TSPAN17: variants seen among roughly 807,000 people sequenced by gnomAD.
TSPAN17 encodes the protein tetraspanin-17.
TSPAN17 carries 33 observed loss-of-function variants against 40.5 expected under a neutral mutation model. That is an observed-to-expected ratio of 0.81 (90% CI 0.62 to 1.09). TSPAN17 has a LOEUF of 1.09. Ranked by LOEUF, TSPAN17 falls within the 50% of genes least tolerant of loss-of-function variation. The pLI is 0.00. For missense variants in TSPAN17, 365 were observed against 416.8 expected (o/e 0.88, Z 1.08); for synonymous variants, 166 against 169.4 (o/e 0.98, Z 0.15).
intron 5 of TSPAN17, 144 bp from the exon 6 acceptor site, chr5:176,655,934 G>A: frequency 2.7e-6 from 2 of 741,176 alleles, no homozygotes; most frequent in Non-Finnish European, 2.4e-6. Context: ...GCCTCAGAGA[G>A]GCTCACTTAA....
rs1356360437 is a variant in TSPAN17 at position 176,651,561 on chromosome 5, G to A, written c.88-55G>A. The A allele has an allele frequency of 1.3e-6, 2 of 1,558,254 alleles. No homozygotes were observed. The highest frequency in any genetic ancestry group is 2.4e-5 in the South Asian group (2 of 84,612). On this transcript the variant is annotated intron_variant, in intron 1 of 8. Transcript: ENST00000508164. The surrounding 1 kb of genome is among the most constrained non-coding windows in gnomAD (Gnocchi z 4.5). ...CCCTGGCTACCGGGGAAGGATGAGG[G>A]GGGAGGGTCCTGGGGCTGCTCCCAG...
Position 176,651,875 on chromosome 5 carries a change from G to A in TSPAN17, c.260G>A (p.Arg87Gln), listed in dbSNP as rs374273809. The change falls in exon 3 of 9, where the codon CGG (arginine) becomes CAG (glutamine). Residue 87 changes from arginine to glutamine, a missense_variant. Physicochemically the swap from Arg to Gln is conservative, Grantham distance 43 (BLOSUM62 1). Coordinates refer to ENST00000508164, the MANE Select transcript of TSPAN17 (RefSeq NM_130465.5). This position sits in a 1 kb window ranked among gnomAD's most constrained non-coding sequence, Gnocchi z 4.5. ...LGFAGCIGAL[R>Q]ENTFLLKFFS... ...TTTGCTGGCTGCATTGGGGCCCTCCGGGAGAACACCTTCCTGCTCAAGTTT... is the reference window on the plus strand; with the variant it reads ...TTTGCTGGCTGCATTGGGGCCCTCCAGGAGAACACCTTCCTGCTCAAGTTT... 3.1e-6 allele frequency: 5 copies of A among 1,613,902 alleles called. No homozygotes were observed. Among genetic ancestry groups the A allele is most frequent in the African/African-American group, 2.7e-5 (2 of 74,882 alleles).
At position 176,647,489 on chromosome 5, in the gene TSPAN17, G is replaced by T. The variant is rs1760777234; in HGVS notation, c.-127G>T. On this transcript the variant is annotated 5_prime_UTR_variant, in exon 1 of 9. Coordinates refer to ENST00000508164, the MANE Select transcript of TSPAN17 (RefSeq NM_130465.5). ...GCGGGCGGGGCCCGACCGGCGCTCT[G>T]TGTGGCCGAGGCCATGAAGCCGCAG... 1 of 574,708 alleles carries T rather than the reference G, an allele frequency of 1.7e-6. No individual in the cohort carries two copies. Among genetic ancestry groups the T allele is most frequent in the African/African-American group, 2.0e-5 (1 of 49,902 alleles). 35.6% of individuals were successfully genotyped at this position (574,708 alleles called of 1,614,324 possible).
chr5:176,657,131 C>T, intron 8 of TSPAN17, 175 bp downstream of exon 8: 1 of 699,586 alleles, frequency 1.4e-6, no homozygotes, highest in Non-Finnish European at 2.3e-6. Flanking sequence ...GAGGAAGTTG[C>T]TGTGCCTCCG....
intron 6 of TSPAN17, 67 bp downstream of exon 6, chr5:176,656,192 A>T: frequency 6.5e-7 from 1 of 1,534,702 alleles, no homozygotes; most frequent in Admixed American, 1.7e-5. Flanking sequence ...GAGAGTGTCT[A>T]TAACCTCCTC....
intron 1 of TSPAN17, among the ~76,000 whole-genome samples, chr5:176,649,332 C>G (rs907704819): frequency 1.3e-5 from 2 of 151,974 alleles, no homozygotes; most frequent in African/African-American, 4.8e-5. Context: ...CTAAGGGAGG[C>G]TGCTTGTGGA....
intron 1 of TSPAN17, among the ~76,000 whole-genome samples, chr5:176,649,529 G>A (rs1760882689): frequency 6.6e-6 from 1 of 151,942 alleles, no homozygotes; most frequent in Non-Finnish European, 1.5e-5. Flanking sequence ...CCAGGTTCAA[G>A]CGATTCTCCT....
rs1199597774 is a variant in TSPAN17, at chr5:176,652,901, T to G, written c.444T>G (p.Phe148Leu). 6.2e-7 allele frequency: 1 copy of G among 1,614,146 alleles called. No individual in the cohort carries two copies. Among genetic ancestry groups the G allele is most frequent in the South Asian group, 1.1e-5 (1 of 91,076 alleles). The change falls in exon 4 of 9, where the codon TTT becomes TTG. Residue 148 changes from phenylalanine to leucine, a missense_variant. By Grantham distance (22) the Phe-to-Leu change is conservative. Transcript: ENST00000508164. ...DDIDLQNLIDFAQEYWSCCGA... is the reference protein window; with the variant it reads ...DDIDLQNLIDLAQEYWSCCGA... ...TTGACCTCCAGAACCTCATTGACTT[T>G]GCTCAGGAATACGTGAGTCCAGTGT...
chr5:176,657,316 C>G (rs1292408684), intron 8 of TSPAN17: 38 of 932,372 alleles, frequency 4.1e-5, no homozygotes, highest in Admixed American at 2.8e-5. Flanking sequence ...GGGTCCCCCC[C>G]GTTCCCTGCC....
In TSPAN17 at chr5:176,654,646, C is replaced by T; in HGVS notation, c.457-249C>T. On this transcript the variant is annotated intron_variant, in intron 4 of 8. Transcript: ENST00000508164. The surrounding 1 kb of genome is among the most constrained non-coding windows in gnomAD (Gnocchi z 4.3). Reference sequence around the variant, plus strand: ...ATTGAACCAGTATCCTTGTCCCACTCCCTCCCTTTTTCTAGCCTCTCTTGG... The same window carrying T: ...ATTGAACCAGTATCCTTGTCCCACTTCCTCCCTTTTTCTAGCCTCTCTTGG... 3.9e-6 allele frequency: 2 copies of T among 507,082 alleles called. No individual in the cohort carries two copies. Among genetic ancestry groups the T allele is most frequent in the Non-Finnish European group, 7.1e-6 (2 of 281,668 alleles). 31.4% of individuals were successfully genotyped at this position (507,082 alleles called of 1,614,324 possible).
rs1465150779 is a variant in TSPAN17 at position 176,652,822 on chromosome 5, G to A, written c.365G>A (p.Arg122Gln). ...ILAFVFKDWI[R>Q]DQLNLFINNN... ...GCCTTTGTCTTCAAGGACTGGATTC[G>A]AGACCAGCTCAACCTCTTCATCAAC... is the stretch of plus-strand genomic sequence containing the variant. The change falls in exon 4 of 9, where the codon CGA becomes CAA. Residue 122 changes from arginine to glutamine, a missense_variant. Coordinates refer to ENST00000508164, the MANE Select transcript of TSPAN17 (RefSeq NM_130465.5). 4.3e-6 allele frequency: 7 copies of A among 1,614,056 alleles called. No homozygotes were observed. Among genetic ancestry groups the A allele is most frequent in the African/African-American group, 1.3e-5 (1 of 74,918 alleles).
Position 176,651,578 on chromosome 5 carries a change from T to G in TSPAN17, c.88-38T>G, listed in dbSNP as rs773193689. ...GGATGAGGGGGGAGGGTCCTGGGGCTGCTCCCAGCCCTGAGCTCTTTGTTG... is the reference window on the plus strand; with the variant it reads ...GGATGAGGGGGGAGGGTCCTGGGGCGGCTCCCAGCCCTGAGCTCTTTGTTG... On this transcript the variant is annotated intron_variant, in intron 1 of 8. Coordinates refer to ENST00000508164, the MANE Select transcript of TSPAN17 (RefSeq NM_130465.5). The surrounding 1 kb of genome is among the most constrained non-coding windows in gnomAD (Gnocchi z 4.5). 54 of 1,593,034 alleles carry G rather than the reference T, an allele frequency of 3.4e-5. No homozygotes were observed. Among genetic ancestry groups the G allele is most frequent in the Non-Finnish European group, 4.5e-5 (53 of 1,168,578 alleles).
rs780828214 is a variant in TSPAN17, at chr5:176,656,128, G to C, written c.630+3G>C. The C allele has an allele frequency of 1.2e-6, 2 of 1,614,198 alleles. No homozygotes were observed. The highest frequency in any genetic ancestry group is 3.3e-5 in the Admixed American group (2 of 60,024). Reference sequence around the variant, plus strand: ...GCTACGACGTCCGGCTCAAACTGGTGAGAGGGGTAGGAACCGGGCTGGGGC... The same window carrying C: ...GCTACGACGTCCGGCTCAAACTGGTCAGAGGGGTAGGAACCGGGCTGGGGC... On this transcript the variant is annotated splice_donor_region_variant and intron_variant, in intron 6 of 8. Transcript: ENST00000508164.
intron 4 of TSPAN17, 30 bp downstream of exon 4, chr5:176,652,943 G>A: frequency 6.2e-7 from 1 of 1,609,612 alleles, no homozygotes; most frequent in East Asian, 2.2e-5. Flanking sequence ...TGGGACACCT[G>A]TAGGAGGCGC....
chr5:176,653,503 C>G (rs567026213), intron 4 of TSPAN17: 1 of 153,586 alleles, frequency 6.5e-6, no homozygotes, highest in East Asian at 1.9e-4. Flanking sequence ...TGCACCATCT[C>G]GCCCACTCAC....
rs746408231 is a variant in TSPAN17 at position 176,656,802 on chromosome 5, A to G, written c.733A>G (p.Ile245Val). 8 of 1,614,160 alleles carry G rather than the reference A, an allele frequency of 5.0e-6. No homozygotes were observed. The highest frequency in any genetic ancestry group is 2.2e-5 in the East Asian group (1 of 44,878). Reference sequence around the variant, plus strand: ...TGTGGTGGCGGGAGTCTTCATGGGCATCGCCCTCCTCCAGGTACCCTTGTG... The same window carrying G: ...TGTGGTGGCGGGAGTCTTCATGGGCGTCGCCCTCCTCCAGGTACCCTTGTG... Reference protein sequence around the residue: ...LIVVAGVFMGIALLQIFGICL... With the variant: ...LIVVAGVFMGVALLQIFGICL... Residue 245 changes from isoleucine to valine, a missense_variant, in exon 7 of 9, where the codon ATC (isoleucine) becomes GTC (valine). Transcript: ENST00000508164.
Position 176,657,782 on chromosome 5 carries a change from G to T in TSPAN17, c.*84G>T. 6.6e-7 allele frequency: 1 copy of T among 1,515,434 alleles called. No individual in the cohort carries two copies. The highest frequency in any genetic ancestry group is 8.8e-7 in the Non-Finnish European group (1 of 1,136,146). The allele number at this position is 1,515,434 out of a possible 1,614,324, so 93.9% of individuals were successfully genotyped here. A position where few individuals can be genotyped will look rare whatever the true frequency, so the allele number is the denominator to read the frequency against. ...CGGCTCTTCGGTGGCAACACTACCT[G>T]GGACACTGCCTCCCCAGTCACCAAG... On this transcript the variant is annotated 3_prime_UTR_variant, in exon 9 of 9. Coordinates refer to ENST00000508164, the MANE Select transcript of TSPAN17 (RefSeq NM_130465.5).
intron 5 of TSPAN17, among the ~76,000 whole-genome samples, chr5:176,655,562 C>T (rs1761120757): frequency 6.6e-6 from 1 of 152,134 alleles, no homozygotes; most frequent in Non-Finnish European, 1.5e-5. Context: ...TCTTATAACA[C>T]ACCAGCAGGC....
rs749907075 is a variant in TSPAN17 at position 176,651,777 on chromosome 5, G to T, written c.162G>T (p.Ala54=). The change falls in exon 3 of 9, where the codon GCG becomes GCT. Residue 54 remains alanine (A), a synonymous_variant. Coordinates refer to ENST00000508164, the MANE Select transcript of TSPAN17 (RefSeq NM_130465.5). This position sits in a 1 kb window ranked among gnomAD's most constrained non-coding sequence, Gnocchi z 4.5. The part of the protein sequence containing the change: ...GEKGVLSNIS[A]LTDLGGLDPV... ...AGGGCGTTCTCTCGAACATCTCAGCGCTGACAGATCTGGGAGGCCTTGACC... is the reference window on the plus strand; with the variant it reads ...AGGGCGTTCTCTCGAACATCTCAGCTCTGACAGATCTGGGAGGCCTTGACC... 11 of 1,614,046 alleles carry T rather than the reference G, an allele frequency of 6.8e-6. No homozygotes were observed. The African/African-American group carries it at 1.1e-4, about 16-fold the overall frequency.
Sources: gnomAD v4.1 joint callset for allele counts (sites outside exome capture counted in the v4.1 genomes callset) on GRCh38, gnomAD v4.1.1 for gene constraint, Gnocchi (gnomAD v3.1) non-coding constraint, MANE v1.5 for transcripts, NCBI Gene and HGNC (gene_info 2026-07-23, HGNC 2026-07-21) for gene names.